The following LGR4 variants were observed in gnomAD, a reference collection of about 807,000 sequenced individuals.
LGR4 encodes leucine rich repeat containing G protein-coupled receptor 4, also known as leucine-rich repeat-containing G protein-coupled receptor 4.
A neutral mutation model predicts 84.8 loss-of-function variants in LGR4; 44 were observed. That is an observed-to-expected ratio of 0.52 (90% CI 0.41 to 0.67). LGR4 has a LOEUF of 0.67. Among genes scored for constraint, LGR4 ranks in the 30% least tolerant of loss-of-function variants. The pLI, the probability that LGR4 is intolerant of heterozygous loss-of-function variation, is 0.00. For synonymous variants in LGR4, 429 were observed against 434.3 expected (o/e 0.99, Z 0.15); for missense variants, 1,032 against 1,131.4 (o/e 0.91, Z 1.26).
At chr11:27,441,046 C>A (rs1035196365) in intron 1 of LGR4, among the ~76,000 whole-genome samples, 1 of 152,160 alleles carries the variant, frequency 6.6e-6, no homozygotes, top group African/African-American at 2.4e-5. Context: ...GGGAGAGTGT[C>A]CCCTTTTACA....
chr11:27,456,395 A>G (rs977964376), intron 1 of LGR4, among the ~76,000 whole-genome samples: 1 of 152,222 alleles, frequency 6.6e-6, no homozygotes, highest in Non-Finnish European at 1.5e-5. Flanking sequence ...CTTGGGGGAG[A>G]AAAAGGCTCA....
In LGR4 at chr11:27,380,702, A is replaced by G. The variant is rs1863076287; in HGVS notation, c.840T>C (p.Tyr280=). 1.1e-5 allele frequency: 17 copies of G among 1,598,794 alleles called. No homozygotes were observed. The highest frequency in any genetic ancestry group is 1.4e-5 in the Non-Finnish European group (16 of 1,168,112). ...GNPLLRTIHL[Y]DNPLSFVGNS... ...TCCCCACAAAAGACAGAGGATTATCATACAAATGTCTGTGAAAATATCCAA... is the reference window on the plus strand; with the variant it reads ...TCCCCACAAAAGACAGAGGATTATCGTACAAATGTCTGTGAAAATATCCAA... Residue 280 remains tyrosine (Y), a synonymous_variant, in exon 9 of 18, where the codon TAT becomes TAC. Coordinates refer to ENST00000379214, the MANE Select transcript of LGR4 (RefSeq NM_018490.5).
chr11:27,410,461 T>G (rs1863688475), intron 2 of LGR4, among the ~76,000 whole-genome samples: 1 of 152,054 alleles, frequency 6.6e-6, no homozygotes, highest in Non-Finnish European at 1.5e-5. Context: ...TAATTTCTAC[T>G]CAGGGCATTT....
At chr11:27,376,178 G>A (rs1211423148) in intron 13 of LGR4, 121 bp downstream of exon 13, 11 of 645,682 alleles carry the variant, frequency 1.7e-5, no homozygotes, top group Admixed American at 2.7e-5. Context: ...GTTTCACCAC[G>A]TTGTTCAGGC....
chr11:27,386,861 A>G (rs1863197970), intron 4 of LGR4, among the ~76,000 whole-genome samples: 1 of 152,160 alleles, frequency 6.6e-6, no homozygotes, highest in Non-Finnish European at 1.5e-5. Context: ...AGAAACACAC[A>G]TTTTTAGACT....
At chr11:27,416,950 A>T (rs79666373) in intron 1 of LGR4, among the ~76,000 whole-genome samples, 7,896 of 152,252 alleles carry the variant, frequency 0.052, 252 homozygotes, top group Middle Eastern at 0.095. Context: ...AGATCCCTGT[A>T]AAATGATCCC....
intron 1 of LGR4, among the ~76,000 whole-genome samples, chr11:27,464,481 C>T (rs186119343): frequency 1.3e-5 from 2 of 152,318 alleles, no homozygotes; most frequent in Non-Finnish European, 2.9e-5. Flanking sequence ...TTATAAAATT[C>T]ATCTCCCCTC....
At position 27,472,291 on chromosome 11, in the gene LGR4, C is replaced by T. The variant is rs1229402405; in HGVS notation, c.12G>A (p.Pro4=). Reference sequence around the variant, plus strand: ...GGGCGAGGAAGCAGAGCAGCCCTAGCGGGCCCGGCATTGCTGCGGCCGCCT... The same window carrying T: ...GGGCGAGGAAGCAGAGCAGCCCTAGTGGGCCCGGCATTGCTGCGGCCGCCT... MPG[P]LGLLCFLALG... is the part of the protein sequence containing the mutation. Residue 4 remains proline (P), a synonymous_variant, in exon 1 of 18, where the codon CCG becomes CCA. Coordinates refer to ENST00000379214, the MANE Select transcript of LGR4 (RefSeq NM_018490.5). 2.5e-6 allele frequency: 3 copies of T among 1,212,474 alleles called. No individual in the cohort carries two copies. Among genetic ancestry groups the T allele is most frequent in the Non-Finnish European group, 2.0e-6 (2 of 976,800 alleles). The allele number at this position is 1,212,474 out of a possible 1,614,324, so 75.1% of individuals were successfully genotyped here.
intron 2 of LGR4, among the ~76,000 whole-genome samples, chr11:27,410,683 A>G (rs1053063854): frequency 2.6e-5 from 4 of 152,158 alleles, no homozygotes; most frequent in Non-Finnish European, 5.9e-5. Context: ...ACAGTACTGT[A>G]AAAGTTATTA....
At chr11:27,435,046 T>C (rs986962010) in intron 1 of LGR4, among the ~76,000 whole-genome samples, 1 of 152,084 alleles carries the variant, frequency 6.6e-6, no homozygotes, top group Non-Finnish European at 1.5e-5. Flanking sequence ...TACTTATAGA[T>C]AAAACTTGGC....
chr11:27,455,621 A>T (rs1290458567), intron 1 of LGR4, among the ~76,000 whole-genome samples: 1 of 152,202 alleles, frequency 6.6e-6, no homozygotes, highest in Non-Finnish European at 1.5e-5. Context: ...CATTCTAAGG[A>T]GCTGAGAACA....
chr11:27,442,977 A>T (rs764068569), intron 1 of LGR4, among the ~76,000 whole-genome samples: 1 of 152,248 alleles, frequency 6.6e-6, no homozygotes, highest in Non-Finnish European at 1.5e-5. Flanking sequence ...TACTAGACAC[A>T]TATCGTGCTC....
At chr11:27,457,467 AC>A in intron 1 of LGR4, among the ~76,000 whole-genome samples, 1 of 152,222 alleles carries the variant, frequency 6.6e-6, no homozygotes, top group Non-Finnish European at 1.5e-5. Flanking sequence ...AGTTTAAAGA[AC>A]TTAAAGAAAG....
chr11:27,368,734 C>T lies in LGR4; in HGVS notation c.1989G>A (p.Arg663=), dbSNP rs755877005. Reference sequence around the variant, plus strand: ...CTAGGAAAGCCAAAAGGGCAGCAACCCGGAACTGTTTGAGATGATTGCTCT... The same window carrying T: ...CTAGGAAAGCCAAAAGGGCAGCAACTCGGAACTGTTTGAGATGATTGCTCT... ...NGKSNHLKQF[R]VAALLAFLGA... is the part of the protein sequence containing the mutation. The change falls in exon 18 of 18, where the codon CGG becomes CGA. Residue 663 remains arginine (R), a synonymous_variant. Transcript: ENST00000379214. The T allele has an allele frequency of 6.2e-7, 1 of 1,613,862 alleles. No individual in the cohort carries two copies. The highest frequency in any genetic ancestry group is 1.1e-5 in the South Asian group (1 of 91,032).
intron 2 of LGR4, among the ~76,000 whole-genome samples, chr11:27,411,780 T>C (rs1863715718): frequency 6.6e-6 from 1 of 152,128 alleles, no homozygotes; most frequent in Non-Finnish European, 1.5e-5. Context: ...TATTTCAATA[T>C]TCTATCAGAG....
At chr11:27,399,853 T>TA (rs889087376) in intron 2 of LGR4, among the ~76,000 whole-genome samples, 1 of 152,128 alleles carries the variant, frequency 6.6e-6, no homozygotes, top group African/African-American at 2.4e-5. Flanking sequence ...ACATACTTCT[T>TA]AAAGTCCTGA....
At chr11:27,459,320 A>G (rs962967851) in intron 1 of LGR4, among the ~76,000 whole-genome samples, 1 of 152,158 alleles carries the variant, frequency 6.6e-6, no homozygotes, top group Non-Finnish European at 1.5e-5. Context: ...CTCAGGCTCG[A>G]GTAACTTGAG....
chr11:27,395,354 T>TA (rs34634648), intron 2 of LGR4, among the ~76,000 whole-genome samples: 4,510 of 143,196 alleles, frequency 0.031, 196 homozygotes, highest in African/African-American at 0.11. Flanking sequence ...GCTGGGCTCA[T>TA]AAAAAAAAAA....
At chr11:27,444,598 T>A (rs1482447421) in intron 1 of LGR4, among the ~76,000 whole-genome samples, 2 of 152,196 alleles carry the variant, frequency 1.3e-5, no homozygotes, top group East Asian at 3.9e-4. Flanking sequence ...AGGTCTATAA[T>A]TGATTTCTTT....
Sources: allele counts gnomAD v4.1 joint callset (sites outside exome capture counted in the v4.1 genomes callset), GRCh38; gene constraint gnomAD v4.1.1; transcripts MANE v1.5; gene names NCBI Gene and HGNC (gene_info 2026-07-23, HGNC 2026-07-21).